ZFHX3: variants seen among roughly 807,000 people sequenced by gnomAD.
ZFHX3 encodes zinc finger homeobox protein 3.
ZFHX3 carries 42 observed loss-of-function variants against 279.1 expected under a neutral mutation model. The observed-to-expected ratio is 0.15, with a 90% CI of 0.12 to 0.19. ZFHX3 has a LOEUF of 0.19. Ranked by LOEUF, ZFHX3 falls within the 10% of genes least tolerant of loss-of-function variation. The pLI, the probability that ZFHX3 is intolerant of heterozygous loss-of-function variation, is 1.00. For synonymous variants in ZFHX3, 2,293 were observed against 1,957.8 expected, an observed-to-expected ratio of 1.17 and a Z score of -4.52; for missense variants, 4,981 against 4,754.0, an observed-to-expected ratio of 1.05 and a Z score of -1.40.
In ZFHX3 at chr16:72,877,643, G is replaced by A. The variant is rs12325427; in HGVS notation, c.3448+12088C>T. Among the ~76,000 whole-genome samples, 1,181 of 152,270 alleles carry A rather than the reference G, an allele frequency of 7.8e-3. 18 individuals are homozygous for A. Among genetic ancestry groups the A allele is most frequent in the African/African-American group, 0.027 (1,116 of 41,546 alleles). ...AGTCTTTCCTGTGTTTCATACTTGG[G>A]CGGTGAGTCACTAGGAAAGGATTTG... On this transcript the variant is annotated intron_variant, in intron 4 of 9. Coordinates refer to ENST00000268489, the MANE Select transcript of ZFHX3 (RefSeq NM_006885.4).
At chr16:73,860,748 C>T (rs556679225) in intron 1 of ZFHX3, among the ~76,000 whole-genome samples, 29 of 152,216 alleles carry the variant, frequency 1.9e-4, no homozygotes, top group African/African-American at 7.0e-4. Context: ...AGGCCTTCTC[C>T]GTGCAGAACT....
intron 2 of ZFHX3, among the ~76,000 whole-genome samples, chr16:73,556,985 C>T (rs1395333374): frequency 2.7e-5 from 4 of 150,140 alleles, no homozygotes; most frequent in Non-Finnish European, 4.4e-5. Flanking sequence ...GTCCCAGCTA[C>T]TCAGGAGGCT....
chr16:73,648,839 A>G (rs932533009), intron 2 of ZFHX3, among the ~76,000 whole-genome samples: 1 of 152,216 alleles, frequency 6.6e-6, no homozygotes, highest in African/African-American at 2.4e-5. Flanking sequence ...TGCACCAATC[A>G]GCTCTTTTCC....
At chr16:72,919,777 CTTTTTTTTTTTTTTT>C (rs532405250) in intron 3 of ZFHX3, among the ~76,000 whole-genome samples, 4 of 42,264 alleles carry the variant, frequency 9.5e-5, no homozygotes, top group East Asian at 1.7e-3. Flanking sequence ...TATGCACCAT[CTTTTTTTTTTTTTTT>C]TTTTTTTTTT....
chr16:73,145,227 C>T (rs1352409996), intron 5 of ZFHX3, among the ~76,000 whole-genome samples: 1 of 152,180 alleles, frequency 6.6e-6, no homozygotes, highest in African/African-American at 2.4e-5. Flanking sequence ...GAGAGCCCTG[C>T]TCGGTCCTGG....
intron 3 of ZFHX3, among the ~76,000 whole-genome samples, chr16:73,332,639 T>C (rs2015827985): frequency 6.6e-6 from 1 of 152,360 alleles, no homozygotes; most frequent in Non-Finnish European, 1.5e-5. Flanking sequence ...ATATTAACTG[T>C]ATCGGATATG....
intron 1 of ZFHX3, among the ~76,000 whole-genome samples, chr16:73,013,172 T>A (rs575302012): frequency 6.6e-5 from 10 of 152,360 alleles, no homozygotes; most frequent in African/African-American, 2.4e-4. Flanking sequence ...ACTGCCCATC[T>A]GTGCCCTTCA....
intron 1 of ZFHX3, among the ~76,000 whole-genome samples, chr16:73,833,390 T>C (rs995811308): frequency 5.3e-5 from 8 of 152,122 alleles, no homozygotes; most frequent in African/African-American, 9.7e-5. Flanking sequence ...TATCAATTCC[T>C]TGCAAGATGG....
chr16:73,152,844 C>T (rs1196064540), intron 5 of ZFHX3, among the ~76,000 whole-genome samples: 2 of 150,682 alleles, frequency 1.3e-5, no homozygotes, highest in South Asian at 2.1e-4. Context: ...GGGGAGTAAT[C>T]GCGAGAAGAG....
intron 4 of ZFHX3, among the ~76,000 whole-genome samples, chr16:72,873,059 C>A (rs1334689112): frequency 1.3e-5 from 2 of 152,192 alleles, no homozygotes; most frequent in African/African-American, 2.4e-5. Context: ...CCAGGAATTC[C>A]TCACCCTCGA....
chr16:73,771,625 A>G (rs1320208854), intron 1 of ZFHX3, among the ~76,000 whole-genome samples: 1 of 151,802 alleles, frequency 6.6e-6, no homozygotes, highest in Non-Finnish European at 1.5e-5. Flanking sequence ...TTCACAGGAC[A>G]TAAGAGTACC....
intron 2 of ZFHX3, 67 bp from the exon 3 acceptor site, chr16:72,951,032 C>A: frequency 6.4e-7 from 1 of 1,554,222 alleles, no homozygotes. Context: ...GCTGAGGCAC[C>A]CCCCAGCCCT....
At chr16:73,240,493 A>C (rs1006195494) in intron 5 of ZFHX3, among the ~76,000 whole-genome samples, 1 of 152,160 alleles carries the variant, frequency 6.6e-6, no homozygotes, top group African/African-American at 2.4e-5. Context: ...TCCTGGGATT[A>C]CAGGTGTGAG....
intron 1 of ZFHX3, among the ~76,000 whole-genome samples, chr16:73,843,668 C>T (rs1042682336): frequency 1.3e-5 from 2 of 152,192 alleles, no homozygotes; most frequent in Admixed American, 1.3e-4. Context: ...ATCCCCGCTT[C>T]TCACAGCAAG....
chr16:73,508,727 G>A lies in ZFHX3; in HGVS notation c.-1546-52469C>T, dbSNP rs140624968. On this transcript the variant is annotated intron_variant, in intron 2 of 17. Transcript: ENST00000641206. ...CACTGGAAATATGAGCAGATGCAGT[G>A]GTATATATTATTGTCCAGACACGAA... Among the ~76,000 whole-genome samples, 712 of 152,254 alleles carry A rather than the reference G, an allele frequency of 4.7e-3. 2 individuals carry two copies. Among genetic ancestry groups the A allele is most frequent in the Non-Finnish European group, 7.8e-3 (529 of 68,012 alleles).
At chr16:73,042,031 T>C (rs1196465762) in intron 1 of ZFHX3, among the ~76,000 whole-genome samples, 1 of 152,206 alleles carries the variant, frequency 6.6e-6, no homozygotes, top group East Asian at 1.9e-4. Flanking sequence ...TCATCAGAAA[T>C]AGGCCACTCA....
At chr16:73,132,831 A>G (rs924839649) in intron 6 of ZFHX3, among the ~76,000 whole-genome samples, 1 of 152,226 alleles carries the variant, frequency 6.6e-6, no homozygotes, top group African/African-American at 2.4e-5. Context: ...AAAGTGATCA[A>G]TCAGGAGGAG....
chr16:73,633,249 C>T (rs1244395398), intron 2 of ZFHX3, among the ~76,000 whole-genome samples: 1 of 152,134 alleles, frequency 6.6e-6, no homozygotes, highest in African/African-American at 2.4e-5. Flanking sequence ...GAGAAACCAC[C>T]AGAGGCCCAT....
chr16:73,783,443 G>T (rs1959539769), intron 1 of ZFHX3, among the ~76,000 whole-genome samples: 1 of 152,076 alleles, frequency 6.6e-6, no homozygotes. Context: ...TCTCTTTCTG[G>T]AGAACCCCAT....
Sources: gnomAD v4.1 joint callset for allele counts (sites outside exome capture counted in the v4.1 genomes callset) on GRCh38, gnomAD v4.1.1 for gene constraint, MANE v1.5 for transcripts, NCBI Gene and HGNC (gene_info 2026-07-23, HGNC 2026-07-21) for gene names.